EXTL3: variants seen among roughly 807,000 people sequenced by gnomAD.
The protein encoded by EXTL3 is exostosin like glycosyltransferase 3, also known as exostosin-like 3.
A neutral mutation model predicts 69.3 loss-of-function variants in EXTL3; 27 were observed. The observed-to-expected ratio is 0.39, with a 90% confidence interval of 0.29 to 0.54. The LOEUF (loss-of-function observed/expected upper bound fraction) is 0.54. Ranked by LOEUF, EXTL3 falls within the 20% of genes least tolerant of loss-of-function variation. The probability of loss-of-function intolerance (pLI) is 0.69; values close to 1 mark genes in which losing one functional copy is unlikely to be tolerated. For synonymous variants in EXTL3, 511 were observed against 499.4 expected (o/e 1.02, Z -0.31); for missense variants, 1,003 against 1,231.8 (o/e 0.81, Z 2.78).
At position 28,633,748 on chromosome 8, in the gene EXTL3, A is replaced by T. The variant is rs575036876; in HGVS notation, c.-53+10938A>T. Among the ~76,000 whole-genome samples, 3 of 152,290 alleles carry T rather than the reference A, an allele frequency of 2.0e-5. No individual in the cohort carries two copies. In the South Asian group the frequency reaches 6.2e-4, roughly 32 times the overall value. The stretch of plus-strand genomic sequence containing the variant: ...CCTTTTGTTTACATGCTGTCTAAAG[A>T]TGTTACATGCCATCTAAAGCCATCA... On this transcript the variant is annotated intron_variant, in intron 1 of 6. Coordinates refer to the EXTL3 transcript ENST00000523149.
At chr8:28,656,471 TA>T (rs1183643196) in intron 1 of EXTL3, among the ~76,000 whole-genome samples, 1 of 152,192 alleles carries the variant, frequency 6.6e-6, no homozygotes, top group African/African-American at 2.4e-5. Flanking sequence ...CCTGTTCAAC[TA>T]TTTTTTTAAT....
rs1802026976 is a variant in EXTL3 at position 28,752,380 on chromosome 8, A to C, written c.*1514A>C. The C allele has an allele frequency of 6.6e-6, 1 of 152,650 alleles. No individual in the cohort carries two copies. Among genetic ancestry groups the C allele is most frequent in the African/African-American group, 2.4e-5 (1 of 41,432 alleles). The allele number at this position is 152,650 out of a possible 1,614,324, so 9.5% of individuals were successfully genotyped here. A position where few individuals can be genotyped will look rare whatever the true frequency, so the allele number is the denominator to read the frequency against. ...GGAAGTTTTCTAGCAACTGAACAAA[A>C]GCTCAGGTTTGTCCTGGTCATGCAC... is the stretch of plus-strand genomic sequence containing the variant. On this transcript the variant is annotated 3_prime_UTR_variant, in exon 7 of 7. Coordinates refer to ENST00000220562, the MANE Select transcript of EXTL3 (RefSeq NM_001440.4).
At chr8:28,618,579 C>T (rs140133801), upstream of EXTL3, among the ~76,000 whole-genome samples, 76 of 152,124 alleles carry the variant, frequency 5.0e-4, no homozygotes, top group African/African-American at 1.8e-3. Flanking sequence ...TTGAACCTGG[C>T]GCAGCAAGGT....
At chr8:28,685,154 G>C (rs1430883068) in intron 1 of EXTL3, among the ~76,000 whole-genome samples, 1 of 152,060 alleles carries the variant, frequency 6.6e-6, no homozygotes, top group African/African-American at 2.4e-5. Context: ...GTTTCACCAT[G>C]TTGGCCAGGC....
chr8:28,645,523 A>G (rs1254212246), intron 1 of EXTL3, among the ~76,000 whole-genome samples: 1 of 152,254 alleles, frequency 6.6e-6, no homozygotes, highest in East Asian at 1.9e-4. Context: ...TTTGTAAAAG[A>G]CAAATGTACA....
intron 4 of EXTL3, among the ~76,000 whole-genome samples, chr8:28,735,670 T>A (rs1016518621): frequency 5.3e-5 from 8 of 152,182 alleles, no homozygotes; most frequent in African/African-American, 1.9e-4. Context: ...TTATTTCACC[T>A]TAATGGGAAT....
chr8:28,688,978 A>G (rs1364891050), intron 1 of EXTL3, among the ~76,000 whole-genome samples: 1 of 152,220 alleles, frequency 6.6e-6, no homozygotes, highest in African/African-American at 2.4e-5. Flanking sequence ...TTAAGTCCCC[A>G]TTCTGCATCC....
intron 2 of EXTL3, among the ~76,000 whole-genome samples, chr8:28,614,512 G>A (rs1197734316): frequency 6.6e-6 from 1 of 151,944 alleles, no homozygotes; most frequent in Non-Finnish European, 1.5e-5. Context: ...GGGCTCAAGC[G>A]ATCCACCCGC....
chr8:28,740,578 G>A (rs1466414206), intron 5 of EXTL3: 2 of 152,274 alleles, frequency 1.3e-5, no homozygotes, highest in African/African-American at 2.4e-5. Flanking sequence ...CACAGCACCC[G>A]GCCTACACCC....
At chr8:28,638,222 A>G (rs1321637390) in intron 1 of EXTL3, among the ~76,000 whole-genome samples, 2 of 152,162 alleles carry the variant, frequency 1.3e-5, no homozygotes, top group Non-Finnish European at 2.9e-5. Flanking sequence ...TTTTGTTGGT[A>G]GTGGTGTTTT....
chr8:28,620,164 C>T (rs570712873), upstream of EXTL3, among the ~76,000 whole-genome samples: 39 of 151,922 alleles, frequency 2.6e-4, no homozygotes, highest in Middle Eastern at 3.4e-3. Context: ...TGAGCCACCG[C>T]GCCTGGCCGG....
rs562217112 is a variant in EXTL3 at position 28,725,327 on chromosome 8, C to T, written c.2149-5896C>T. Among the ~76,000 whole-genome samples, 35 of 152,108 alleles carry T rather than the reference C, an allele frequency of 2.3e-4. No individual in the cohort carries two copies. The East Asian group carries it at 4.8e-3, about 21-fold the overall frequency. On this transcript the variant is annotated intron_variant, in intron 3 of 6. Coordinates refer to ENST00000220562, the MANE Select transcript of EXTL3 (RefSeq NM_001440.4). ...TTGTGCAGAAGAGCTAGCGAGGCACCGTCAGGGAGCCCTGTGTGTGAGACA... is the reference window on the plus strand; with the variant it reads ...TTGTGCAGAAGAGCTAGCGAGGCACTGTCAGGGAGCCCTGTGTGTGAGACA...
chr8:28,668,271 A>AAAG (rs1185370470), intron 1 of EXTL3, among the ~76,000 whole-genome samples: 1 of 147,424 alleles, frequency 6.8e-6, no homozygotes, highest in African/African-American at 2.6e-5. Context: ...AAAAAAAAAA[A>AAAG]AAAAGAAAAG....
intron 1 of EXTL3, among the ~76,000 whole-genome samples, chr8:28,684,577 A>G (rs1028946184): frequency 6.6e-6 from 1 of 152,038 alleles, no homozygotes; most frequent in African/African-American, 2.4e-5. Flanking sequence ...ACCTGTTTCT[A>G]TAGAAAATAA....
upstream of EXTL3, among the ~76,000 whole-genome samples, chr8:28,620,617 G>C (rs560095742): frequency 2.6e-5 from 4 of 152,202 alleles, no homozygotes; most frequent in African/African-American, 9.7e-5. Context: ...TTAACATCTC[G>C]CAGTTAAACT....
rs1427747212 is a variant in EXTL3, at chr8:28,750,644, C to G, written c.2551-13C>G. Reference sequence around the variant, plus strand: ...GCTGGGATTCCCACTCTGTCTCTCTCTCCCGTTTCCAGGTGACCTCACGGT... The same window carrying G: ...GCTGGGATTCCCACTCTGTCTCTCTGTCCCGTTTCCAGGTGACCTCACGGT... On this transcript the variant is annotated splice_polypyrimidine_tract_variant and intron_variant, in intron 6 of 6. Coordinates refer to ENST00000220562, the MANE Select transcript of EXTL3 (RefSeq NM_001440.4). The surrounding 1 kb of genome is among the most constrained non-coding windows in gnomAD (Gnocchi z 5.2). 6.2e-7 allele frequency: 1 copy of G among 1,611,232 alleles called. No homozygotes were observed.
In EXTL3 at chr8:28,743,142, T is replaced by C. The variant is rs1801814454; in HGVS notation, c.2478T>C (p.Asp826=). The change falls in exon 6 of 7, where the codon GAT becomes GAC. Residue 826 remains aspartate (D), a synonymous_variant. Coordinates refer to ENST00000220562, the MANE Select transcript of EXTL3 (RefSeq NM_001440.4). ...CCCAGGCCATCCGGGACATGGTGGA[T>C]GAATACATCAACTGTGAGGACATTG... The part of the protein sequence containing the change: ...VMPQAIRDMV[D]EYINCEDIAM... 15 of 1,614,220 alleles carry C rather than the reference T, an allele frequency of 9.3e-6. No homozygotes were observed. The East Asian group carries it at 3.1e-4, about 34-fold the overall frequency.
Position 28,753,340 on chromosome 8 carries a change from G to A in EXTL3, c.*2474G>A, listed in dbSNP as rs957071915. ...TGGCCACCTTGTCCTGGCTCGCAGG[G>A]TGCAGGAGCGCCTCGTTCTCTGGGT... On this transcript the variant is annotated 3_prime_UTR_variant, in exon 7 of 7. Coordinates refer to ENST00000220562, the MANE Select transcript of EXTL3 (RefSeq NM_001440.4). 4.6e-5 allele frequency: 7 copies of A among 152,462 alleles called. No homozygotes were observed. Among genetic ancestry groups the A allele is most frequent in the African/African-American group, 1.7e-4 (7 of 41,464 alleles). 9.4% of individuals were successfully genotyped at this position (152,462 alleles called of 1,614,324 possible).
chr8:28,711,824 G>A lies in EXTL3; in HGVS notation c.-569-1633G>A, dbSNP rs868814835. ...GGAGGATGAGTCAGGGAAGTAGATG[G>A]AACACTAAAAAAGCACAGCTTCATG... On this transcript the variant is annotated intron_variant, in intron 1 of 6. Transcript: ENST00000220562. Among the ~76,000 whole-genome samples the A allele has an allele frequency of 2.4e-4, 36 of 152,292 alleles. 1 individual carries two copies. The highest frequency in any genetic ancestry group is 1.9e-3 in the Admixed American group (29 of 15,302).
Sources: gnomAD v4.1 joint callset for allele counts (sites outside exome capture counted in the v4.1 genomes callset) on GRCh38, gnomAD v4.1.1 for gene constraint, Gnocchi (gnomAD v3.1) non-coding constraint, MANE v1.5 for transcripts, NCBI Gene and HGNC (gene_info 2026-07-23, HGNC 2026-07-21) for gene names.